The following SGCE variants were observed in gnomAD, a reference collection of about 807,000 sequenced individuals.
SGCE encodes epsilon-sarcoglycan.
In SGCE, 26 loss-of-function variants were observed where a neutral mutation model predicts 57.8. That is an observed-to-expected ratio of 0.45 (90% CI 0.33 to 0.62). The LOEUF is 0.62. SGCE is among the 20% of genes least tolerant of loss of function. The pLI, the probability that SGCE is intolerant of heterozygous loss-of-function variation, is 0.02. For missense variants in SGCE, 468 were observed against 548.6 expected (o/e 0.85, Z 1.47); for synonymous variants, 183 against 189.5 (o/e 0.97, Z 0.28).
intron 1 of SGCE, among the ~76,000 whole-genome samples, chr7:94,646,747 T>C (rs1378571735): frequency 6.6e-6 from 1 of 152,180 alleles, no homozygotes; most frequent in East Asian, 1.9e-4. Flanking sequence ...CAATAAAAAA[T>C]ATAACAATGC....
chr7:94,601,443 CAAAAAAAAAAAAAAAAAAAA>C (rs71123905), intron 6 of SGCE, among the ~76,000 whole-genome samples: 53 of 89,310 alleles, frequency 5.9e-4, no homozygotes, highest in Admixed American at 1.2e-3. Context: ...ATCCCAGTAT[CAAAAAAAAAAAAAAAAAAAA>C]AAAAAAAAAA....
chr7:94,639,330 C>T, intron 1 of SGCE: 2 of 1,480,104 alleles, frequency 1.4e-6, no homozygotes, highest in Non-Finnish European at 1.8e-6. Context: ...AGATTTACAA[C>T]CTAAACTCAC....
intron 1 of SGCE, among the ~76,000 whole-genome samples, chr7:94,637,757 G>T (rs929940008): frequency 1.3e-5 from 2 of 152,154 alleles, no homozygotes; most frequent in South Asian, 2.1e-4. Flanking sequence ...AGGTTCCAGG[G>T]ATCAAAGCTA....
intron 1 of SGCE, among the ~76,000 whole-genome samples, chr7:94,653,843 A>G (rs1445805066): frequency 6.6e-6 from 1 of 151,982 alleles, no homozygotes; most frequent in Non-Finnish European, 1.5e-5. Flanking sequence ...ATATTTATGT[A>G]CTAAGGTTGT....
chr7:94,639,517 A>C (rs1368738635), intron 1 of SGCE: 3 of 902,514 alleles, frequency 3.3e-6, no homozygotes, highest in Non-Finnish European at 5.2e-6. Flanking sequence ...TGACTGTCAC[A>C]GATCACCTAC....
At chr7:94,640,376 A>C (rs1375456497) in intron 1 of SGCE, among the ~76,000 whole-genome samples, 7 of 152,202 alleles carry the variant, frequency 4.6e-5, no homozygotes, top group Admixed American at 4.6e-4. Flanking sequence ...TCAGGCTCTT[A>C]CATAGAAAGT....
chr7:94,630,478 CTATTA>C (rs1483829617), intron 1 of SGCE, among the ~76,000 whole-genome samples: 1 of 151,690 alleles, frequency 6.6e-6, no homozygotes, highest in African/African-American at 2.4e-5. Context: ...ACAATATAAT[CTATTA>C]TATTATGCTG....
At chr7:94,625,981 A>G (rs946455323) in intron 3 of SGCE, 3 of 152,080 alleles carry the variant, frequency 2.0e-5, no homozygotes, top group African/African-American at 4.8e-5. Context: ...ACTGCTTTCC[A>G]AAGTAGTGAT....
At chr7:94,596,716 A>G (rs569691135) in intron 9 of SGCE, among the ~76,000 whole-genome samples, 2 of 152,276 alleles carry the variant, frequency 1.3e-5, no homozygotes, top group African/African-American at 2.4e-5. Context: ...CTTCACATTC[A>G]TACTAAGTAT....
chr7:94,651,808 C>G (rs947141264), intron 1 of SGCE, among the ~76,000 whole-genome samples: 1 of 152,120 alleles, frequency 6.6e-6, no homozygotes. Context: ...TGGAAGCAAT[C>G]CATGTGAAAT....
At position 94,629,804 on chromosome 7, in the gene SGCE, A is replaced by C. The variant is rs772230342; in HGVS notation, c.147T>G (p.Asn49Lys). 31 of 1,610,996 alleles carry C rather than the reference A, an allele frequency of 1.9e-5. No homozygotes were observed. The Admixed American group carries it at 2.5e-4, about 13-fold the overall frequency. ...AGAGGACACCTGCTGATGGGTATAC[A>C]TTCCGATCGGAGTGTACCTTGGAGA... Reference protein sequence around the residue: ...SIFSKVHSDRNVYPSAGVLFV... With the variant: ...SIFSKVHSDRKVYPSAGVLFV... Residue 49 changes from asparagine to lysine, a missense_variant, in exon 2 of 11, where the codon AAT (asparagine) becomes AAG (lysine). By Grantham distance (94) the Asn-to-Lys change is moderately conservative. Coordinates refer to ENST00000648936, the MANE Select transcript of SGCE (RefSeq NM_003919.3).
chr7:94,648,376 C>CAAAA (rs71123907), intron 1 of SGCE, among the ~76,000 whole-genome samples: 9 of 65,074 alleles, frequency 1.4e-4, no homozygotes, highest in South Asian at 7.3e-4. Flanking sequence ...ACTCTGTCTC[C>CAAAA]AAAAAAAAAA....
intron 5 of SGCE, among the ~76,000 whole-genome samples, chr7:94,604,806 A>AATATATATATAT (rs59162734): frequency 8.3e-4 from 37 of 44,386 alleles, no homozygotes; most frequent in Non-Finnish European, 1.1e-3. Context: ...ATGGTGCTGG[A>AATATATATATAT]ATATATATAT....
At chr7:94,639,525 T>C (rs1037249455) in intron 1 of SGCE, 10 of 823,608 alleles carry the variant, frequency 1.2e-5, no homozygotes, top group Non-Finnish European at 1.8e-5. Flanking sequence ...ACAGATCACC[T>C]ACAATTAACT....
At chr7:94,593,661 C>T (rs1475324349) in intron 9 of SGCE, among the ~76,000 whole-genome samples, 1 of 151,948 alleles carries the variant, frequency 6.6e-6, no homozygotes, top group Non-Finnish European at 1.5e-5. Context: ...ACACCATTTT[C>T]CTCAGGCAGT....
At chr7:94,608,978 GGAGAA>G (rs1800584369) in intron 5 of SGCE, among the ~76,000 whole-genome samples, 1 of 152,150 alleles carries the variant, frequency 6.6e-6, no homozygotes, top group Admixed American at 6.5e-5. Context: ...AGATAATAGA[GGAGAA>G]AATCGAGATG....
chr7:94,647,676 C>G (rs1807293173), intron 1 of SGCE, among the ~76,000 whole-genome samples: 1 of 152,240 alleles, frequency 6.6e-6, no homozygotes, highest in African/African-American at 2.4e-5. Context: ...TACCCTTTTA[C>G]TGCTCCAACG....
intron 1 of SGCE, among the ~76,000 whole-genome samples, chr7:94,641,188 G>T (rs1389335101): frequency 6.6e-6 from 1 of 152,106 alleles, no homozygotes; most frequent in Non-Finnish European, 1.5e-5. Context: ...ACTGCAAAAA[G>T]GTCAAAGAGG....
At chr7:94,593,998 G>A (rs1798048541) in intron 9 of SGCE, among the ~76,000 whole-genome samples, 2 of 152,148 alleles carry the variant, frequency 1.3e-5, no homozygotes, top group Non-Finnish European at 2.9e-5. Flanking sequence ...GCCCCAGAAT[G>A]TGTACTGTAA....
Sources: allele counts gnomAD v4.1 joint callset (sites outside exome capture counted in the v4.1 genomes callset), GRCh38; gene constraint gnomAD v4.1.1; transcripts MANE v1.5; gene names NCBI Gene and HGNC (gene_info 2026-07-23, HGNC 2026-07-21).